Variants in MRAP2 observed in about 807,000 individuals in gnomAD.
MRAP2 encodes the protein melanocortin-2 receptor accessory protein 2.
MRAP2 carries 20 observed loss-of-function variants against 17.4 expected under a neutral mutation model. The observed-to-expected ratio is 1.15, with a 90% CI of 0.81 to 1.67. MRAP2 has a LOEUF of 1.67. Ranked by LOEUF, MRAP2 falls within the 40% of genes most tolerant of loss-of-function variation. The pLI is 0.00. For missense variants in MRAP2, 238 were observed against 240.0 expected (o/e 0.99, Z 0.05); for synonymous variants, 96 against 88.4 (o/e 1.09, Z -0.48).
chr6:84,042,466 C>G (rs2099487842), intron 1 of MRAP2, among the ~76,000 whole-genome samples: 1 of 152,176 alleles, frequency 6.6e-6, no homozygotes, highest in Non-Finnish European at 1.5e-5. Context: ...TACTCTGTAA[C>G]ATATCTGCAC....
chr6:84,135,950 A>G, the MRAP2 span, among the ~76,000 whole-genome samples: 1 of 152,224 alleles, frequency 6.6e-6, no homozygotes, highest in Admixed American at 6.5e-5. Flanking sequence ...AACTATTGGC[A>G]TAAGTCTTCC....
chr6:84,117,760 C>G, the MRAP2 span, among the ~76,000 whole-genome samples: 1 of 151,944 alleles, frequency 6.6e-6, no homozygotes. Flanking sequence ...GGGGTCTGCT[C>G]CAGATCCTAG....
chr6:84,069,129 G>A (rs1336995249), intron 3 of MRAP2, among the ~76,000 whole-genome samples: 4 of 151,760 alleles, frequency 2.6e-5, no homozygotes, highest in Non-Finnish European at 5.9e-5. Flanking sequence ...AGGACTTCCA[G>A]TACTATGTTG....
chr6:84,070,244 C>G (rs187172159), intron 3 of MRAP2, among the ~76,000 whole-genome samples: 46 of 152,126 alleles, frequency 3.0e-4, no homozygotes, highest in African/African-American at 1.1e-3. Context: ...TATGAACTTT[C>G]CTCTTAGCAC....
chr6:84,128,722 T>G, the MRAP2 span, among the ~76,000 whole-genome samples: 96 of 152,232 alleles, frequency 6.3e-4, 1 homozygote, highest in African/African-American at 2.2e-3. Context: ...TACTTTGTTC[T>G]GGGGTACATG....
chr6:84,104,911 G>C, the MRAP2 span, among the ~76,000 whole-genome samples: 1,880 of 152,208 alleles, frequency 0.012, 34 homozygotes, highest in African/African-American at 0.043. Flanking sequence ...TAAATCATCT[G>C]TCTCAAGTTC....
intron 2 of MRAP2, among the ~76,000 whole-genome samples, chr6:84,061,585 C>T (rs569989721): frequency 2.0e-5 from 3 of 152,150 alleles, no homozygotes; most frequent in Non-Finnish European, 2.9e-5. Context: ...GATAGTGTAG[C>T]GGATGGACTT....
chr6:84,100,649 A>G, the MRAP2 span, among the ~76,000 whole-genome samples: 1 of 152,036 alleles, frequency 6.6e-6, no homozygotes, highest in Non-Finnish European at 1.5e-5. Flanking sequence ...TGAAAGCTAT[A>G]TTTTTCAAAA....
At chr6:84,051,750 G>T (rs968894216) in intron 1 of MRAP2, among the ~76,000 whole-genome samples, 28 of 152,168 alleles carry the variant, frequency 1.8e-4, no homozygotes, top group African/African-American at 6.8e-4. Context: ...GAGGAAAAGA[G>T]AGTGCCCAGG....
chr6:84,072,691 C>T (rs995152455), intron 3 of MRAP2, among the ~76,000 whole-genome samples: 3 of 152,072 alleles, frequency 2.0e-5, no homozygotes, highest in South Asian at 2.1e-4. Context: ...GAAGGACCAT[C>T]GGGTTGGGGC....
chr6:84,120,427 A>G, the MRAP2 span, among the ~76,000 whole-genome samples: 1 of 152,106 alleles, frequency 6.6e-6, no homozygotes, highest in East Asian at 1.9e-4. Flanking sequence ...TCACTTCTGG[A>G]GCTTGAATCT....
At chr6:84,064,936 G>A (rs1309776401) in intron 3 of MRAP2, among the ~76,000 whole-genome samples, 1 of 152,170 alleles carries the variant, frequency 6.6e-6, no homozygotes, top group Non-Finnish European at 1.5e-5. Context: ...TGTGCAAAGG[G>A]AACAGTTCTT....
At chr6:84,138,558 T>C in the MRAP2 span, among the ~76,000 whole-genome samples, 1 of 152,188 alleles carries the variant, frequency 6.6e-6, no homozygotes, top group African/African-American at 2.4e-5. Context: ...AAGGTAGGTA[T>C]TCCAATTAAA....
chr6:84,135,917 T>C, the MRAP2 span, among the ~76,000 whole-genome samples: 1 of 152,226 alleles, frequency 6.6e-6, no homozygotes, highest in Non-Finnish European at 1.5e-5. Flanking sequence ...TTTTCAATCA[T>C]GTCATGTGCC....
At chr6:84,117,902 T>A in the MRAP2 span, among the ~76,000 whole-genome samples, 1 of 152,286 alleles carries the variant, frequency 6.6e-6, no homozygotes, top group East Asian at 1.9e-4. Flanking sequence ...CGAATGCACC[T>A]GTAGGAGGTG....
At chr6:84,141,769 C>G in the MRAP2 span, among the ~76,000 whole-genome samples, 1 of 152,280 alleles carries the variant, frequency 6.6e-6, no homozygotes, top group Admixed American at 6.5e-5. Flanking sequence ...TTTGCTGTAC[C>G]TACACTCCAC....
the MRAP2 span, among the ~76,000 whole-genome samples, chr6:84,135,055 T>C: frequency 5.9e-5 from 9 of 152,180 alleles, no homozygotes; most frequent in Admixed American, 4.6e-4. Context: ...ATGAGAACCA[T>C]ATCCACAATA....
chr6:84,037,029 A>G (rs917072992), intron 1 of MRAP2, among the ~76,000 whole-genome samples: 14 of 149,432 alleles, frequency 9.4e-5, no homozygotes, highest in African/African-American at 3.2e-4. Flanking sequence ...GGTGCATCCA[A>G]GAACCCCGAG....
At chr6:84,094,949 G>A (rs1339554456), downstream of MRAP2, among the ~76,000 whole-genome samples, 1 of 152,156 alleles carries the variant, frequency 6.6e-6, no homozygotes, top group Non-Finnish European at 1.5e-5. Flanking sequence ...GCTACTCAAG[G>A]CAATCTAGTC....
Sources: gnomAD v4.1 joint callset for allele counts (sites outside exome capture counted in the v4.1 genomes callset) on GRCh38, gnomAD v4.1.1 for gene constraint, MANE v1.5 for transcripts, NCBI Gene and HGNC (gene_info 2026-07-23, HGNC 2026-07-21) for gene names.